The following KANK1 variants were observed in gnomAD, a reference collection of about 807,000 sequenced individuals.
KANK1 encodes the protein KN motif and ankyrin repeat domains 1, also known as KN motif and ankyrin repeat domain-containing protein 1.
Under a neutral mutation model 106.2 loss-of-function variants are expected in KANK1, and 109 were observed. The ratio of observed to expected loss-of-function variants is 1.03; its 90% CI spans 0.88 to 1.20. The LOEUF (loss-of-function observed/expected upper bound fraction) is 1.20. KANK1 is among the 50% of genes most tolerant of loss of function. KANK1 has a pLI of 0.00. For missense variants in KANK1, 2,399 were observed against 1,710.7 expected (o/e 1.40, Z -7.10); for synonymous variants, 873 against 652.2 (o/e 1.34, Z -5.16).
intron 2 of KANK1, among the ~76,000 whole-genome samples, chr9:701,010 A>T (rs1462811502): frequency 6.6e-6 from 1 of 152,198 alleles, no homozygotes; most frequent in African/African-American, 2.4e-5. Context: ...GTGGTAGAGT[A>T]TGTAGAAAGT....
In KANK1 at chr9:710,987, C is replaced by T. The variant is rs138546034; in HGVS notation, c.221C>T (p.Pro74Leu). Reference sequence around the variant, plus strand: ...AGGCGGAAGCCGTCCGTGCCATGCCCAGAACCCAGGACCACATCTGGTCAG... The same window carrying T: ...AGGCGGAAGCCGTCCGTGCCATGCCTAGAACCCAGGACCACATCTGGTCAG... ...QKRRKPSVPCPEPRTTSGQQG... is the reference protein window; with the variant it reads ...QKRRKPSVPCLEPRTTSGQQG... Residue 74 changes from proline to leucine, a missense_variant, in exon 3 of 12, where the codon CCA becomes CTA. Coordinates refer to ENST00000382297, the MANE Select transcript of KANK1 (RefSeq NM_015158.5). 17 of 1,614,052 alleles carry T rather than the reference C, an allele frequency of 1.1e-5. No individual in the cohort carries two copies. In the African/African-American group the frequency reaches 2.0e-4, roughly 19 times the overall value.
At chr9:736,655 A>G (rs1439082092) in intron 7 of KANK1, among the ~76,000 whole-genome samples, 1 of 151,896 alleles carries the variant, frequency 6.6e-6, no homozygotes, top group Non-Finnish European at 1.5e-5. Context: ...CTCCATCATC[A>G]TGCCACTGCA....
chr9:553,929 A>C (rs1187645284), intron 1 of KANK1, among the ~76,000 whole-genome samples: 1 of 152,198 alleles, frequency 6.6e-6, no homozygotes, highest in Non-Finnish European at 1.5e-5. Flanking sequence ...TTTAGCGTGC[A>C]TTTGGGTCCT....
At position 713,117 on chromosome 9, in the gene KANK1, C is replaced by G. The variant is rs763208464; in HGVS notation, c.2351C>G (p.Pro784Arg). The G allele has an allele frequency of 2.5e-6, 4 of 1,604,750 alleles. No individual in the cohort carries two copies. Among genetic ancestry groups the G allele is most frequent in the Middle Eastern group, 1.7e-4 (1 of 6,008 alleles). Reference sequence around the variant, plus strand: ...ATGAGGACTATAGCTTGTGGGCCACCACAGTTGACTGTGGGGCTGACAGCC... The same window carrying G: ...ATGAGGACTATAGCTTGTGGGCCACGACAGTTGACTGTGGGGCTGACAGCC... ...LKMRTIACGP[P>R]QLTVGLTASR... Residue 784 changes from proline (P) to arginine (R), a missense_variant, in exon 3 of 12, where the codon CCA becomes CGA. Coordinates refer to ENST00000382297, the MANE Select transcript of KANK1 (RefSeq NM_015158.5).
At chr9:718,336 A>G (rs1275860333) in intron 3 of KANK1, among the ~76,000 whole-genome samples, 1 of 125,516 alleles carries the variant, frequency 8.0e-6, no homozygotes, top group Non-Finnish European at 1.6e-5. Flanking sequence ...CTCTTAAGAC[A>G]GGGTCTCACT....
intron 1 of KANK1, among the ~76,000 whole-genome samples, chr9:562,949 T>G (rs1450496918): frequency 1.3e-5 from 2 of 152,204 alleles, no homozygotes; most frequent in Non-Finnish European, 2.9e-5. Context: ...AATGTGTGCT[T>G]CTCATCTTTG....
chr9:744,289 A>G (rs966683718), intron 10 of KANK1, among the ~76,000 whole-genome samples: 1 of 152,150 alleles, frequency 6.6e-6, no homozygotes, highest in Non-Finnish European at 1.5e-5. Flanking sequence ...GGACCTCTGG[A>G]GGGTGGAGGC....
At chr9:576,457 G>A (rs1167502583) in intron 1 of KANK1, among the ~76,000 whole-genome samples, 1 of 152,170 alleles carries the variant, frequency 6.6e-6, no homozygotes, top group Non-Finnish European at 1.5e-5. Flanking sequence ...CTTTCCCACA[G>A]TTCCCTTGCA....
chr9:489,935 C>T lies in KANK1; in HGVS notation c.-362+16662C>T, dbSNP rs1379494771. Among the ~76,000 whole-genome samples, 10 of 152,178 alleles carry T rather than the reference C, an allele frequency of 6.6e-5. No individual in the cohort carries two copies. In the East Asian group the frequency reaches 7.7e-4, roughly 12 times the overall value. ...ACCTCTATGTCTGGGGGAACAAAAC[C>T]GTACTAAGTACAGATCATCCAGAAT... On this transcript the variant is annotated intron_variant, in intron 3 of 15. Transcript: ENST00000382303.
intron 1 of KANK1, among the ~76,000 whole-genome samples, chr9:508,504 T>C (rs1400274039): frequency 6.6e-6 from 1 of 152,204 alleles, no homozygotes; most frequent in African/African-American, 2.4e-5. Flanking sequence ...ATATAACAAG[T>C]ACTCACGGAA....
In KANK1 at chr9:712,020, C is replaced by T. The variant is rs746956226; in HGVS notation, c.1254C>T (p.Gly418=). The T allele has an allele frequency of 8.7e-6, 14 of 1,614,004 alleles. No homozygotes were observed. The highest frequency in any genetic ancestry group is 1.2e-5 in the Non-Finnish European group (14 of 1,180,044). The change falls in exon 3 of 12, where the codon GGC becomes GGT. Residue 418 remains glycine, a synonymous_variant. Coordinates refer to ENST00000382297, the MANE Select transcript of KANK1 (RefSeq NM_015158.5). ...ACGACATCGTCGTGTACCACAGAGG[C>T]TCCAGGTCCTGTAAGGATGCAGCTG... ...NMNDIVVYHR[G]SRSCKDAAVG...
chr9:668,616 GT>G (rs951208967), intron 1 of KANK1, among the ~76,000 whole-genome samples: 1 of 151,748 alleles, frequency 6.6e-6, no homozygotes, highest in East Asian at 1.9e-4. Context: ...ATTTGTTGGG[GT>G]TTTTTTTAGT....
rs367704087 is a variant in KANK1 at position 740,856 on chromosome 9, C to A, written c.3618C>A (p.Ala1206=). ...GYTPIMLAAL[A]AVEAEKDMRI... The stretch of plus-strand genomic sequence containing the variant: ...CCCCCATCATGTTGGCGGCCCTCGC[C>A]GCTGTGGAAGCAGAGAAGGACATGC... The change falls in exon 9 of 12, where the codon GCC becomes GCA. Residue 1206 remains alanine (A), a synonymous_variant. Transcript: ENST00000382297. The A allele has an allele frequency of 3.7e-6, 6 of 1,614,006 alleles. No individual in the cohort carries two copies. The African/African-American group carries it at 6.7e-5, about 18-fold the overall frequency.
At chr9:552,448 C>G (rs1403629735) in intron 1 of KANK1, among the ~76,000 whole-genome samples, 1 of 152,202 alleles carries the variant, frequency 6.6e-6, no homozygotes, top group Non-Finnish European at 1.5e-5. Context: ...TAATGGTGTT[C>G]ATGTCAACCT....
intron 1 of KANK1, among the ~76,000 whole-genome samples, chr9:582,094 G>A (rs1441643230): frequency 6.6e-6 from 1 of 152,152 alleles, no homozygotes; most frequent in African/African-American, 2.4e-5. Context: ...CTCAAATGCT[G>A]GCTGCCGCCA....
At chr9:648,801 G>A (rs773687598) in intron 1 of KANK1, among the ~76,000 whole-genome samples, 2 of 152,084 alleles carry the variant, frequency 1.3e-5, no homozygotes, top group Admixed American at 6.5e-5. Context: ...ATAAAGCTGC[G>A]GACATGTCAG....
chr9:663,488 C>G (rs1274224928), intron 1 of KANK1, among the ~76,000 whole-genome samples: 1 of 152,138 alleles, frequency 6.6e-6, no homozygotes, highest in Non-Finnish European at 1.5e-5. Flanking sequence ...TATTTTCCTC[C>G]CAAGTCAGGA....
chr9:473,482 C>T (rs1015922699), intron 3 of KANK1, among the ~76,000 whole-genome samples: 14 of 152,182 alleles, frequency 9.2e-5, no homozygotes, highest in Admixed American at 2.0e-4. Flanking sequence ...CATCACAGCT[C>T]TGTGATCATC....
intron 2 of KANK1, among the ~76,000 whole-genome samples, chr9:706,453 C>T (rs757700104): frequency 1.3e-5 from 2 of 151,996 alleles, no homozygotes; most frequent in Non-Finnish European, 2.9e-5. Context: ...ACTGAAAATC[C>T]TTAAGTGGGA....
Sources: gnomAD v4.1 joint callset for allele counts (sites outside exome capture counted in the v4.1 genomes callset) on GRCh38, gnomAD v4.1.1 for gene constraint, MANE v1.5 for transcripts, NCBI Gene and HGNC (gene_info 2026-07-23, HGNC 2026-07-21) for gene names.